Variants in PTPRR observed in about 807,000 individuals in gnomAD.
The protein encoded by PTPRR is protein tyrosine phosphatase receptor type R.
A neutral mutation model predicts 77.2 loss-of-function variants in PTPRR; 38 were observed. That is an observed-to-expected ratio of 0.49 (90% CI 0.38 to 0.65). The LOEUF is 0.65. Among genes scored for constraint, PTPRR ranks in the 30% least tolerant of loss-of-function variants. The pLI is 0.00. For synonymous variants in PTPRR, 299 were observed against 283.1 expected, an observed-to-expected ratio of 1.06 and a Z score of -0.57; for missense variants, 744 against 799.2, an observed-to-expected ratio of 0.93 and a Z score of 0.83.
intron 2 of PTPRR, among the ~76,000 whole-genome samples, chr12:70,864,144 GC>G (rs1892801286): frequency 6.6e-6 from 1 of 152,172 alleles, no homozygotes; most frequent in Non-Finnish European, 1.5e-5. Context: ...CCCAGTGACT[GC>G]ATTAGTTGTG....
At chr12:70,880,390 C>T (rs938861561) in intron 2 of PTPRR, among the ~76,000 whole-genome samples, 5 of 152,150 alleles carry the variant, frequency 3.3e-5, no homozygotes, top group Non-Finnish European at 7.4e-5. Flanking sequence ...TTCTACCACA[C>T]AGCTTCTAAT....
chr12:70,662,175 A>G (rs1264850076), intron 11 of PTPRR, among the ~76,000 whole-genome samples: 1 of 152,160 alleles, frequency 6.6e-6, no homozygotes, highest in Non-Finnish European at 1.5e-5. Context: ...AAAAAAAATC[A>G]TGGTAAAGTC....
chr12:70,788,903 CTAATCG>C lies in PTPRR; in HGVS notation c.358-24131_358-24126del, dbSNP rs1370786814. On this transcript the variant is annotated intron_variant, in intron 2 of 13. Coordinates refer to ENST00000283228, the MANE Select transcript of PTPRR (RefSeq NM_002849.4). Reference sequence around the variant, plus strand: ...TATTTCCTTACCATAGCAAGCAGGACTAATCGTAAAGCTTTCTAAGCTTGTGTGCTG... The same window carrying C: ...TATTTCCTTACCATAGCAAGCAGGACTAAAGCTTTCTAAGCTTGTGTGCTG... The C allele has an allele frequency of 7.0e-5, 104 of 1,482,356 alleles. No homozygotes were observed. The African/African-American group carries it at 1.3e-3, about 19-fold the overall frequency. The allele number at this position is 1,482,356 out of a possible 1,614,324, so 91.8% of individuals were successfully genotyped here.
chr12:70,843,558 G>A (rs1009235376), intron 2 of PTPRR, among the ~76,000 whole-genome samples: 9 of 152,204 alleles, frequency 5.9e-5, no homozygotes, highest in Admixed American at 2.0e-4. Flanking sequence ...AGAGCTTGCC[G>A]AGGCCTGCTG....
intron 2 of PTPRR, among the ~76,000 whole-genome samples, chr12:70,862,900 T>A (rs996548988): frequency 1.3e-5 from 2 of 152,152 alleles, no homozygotes. Flanking sequence ...AATCAACTTA[T>A]GTTTTATAAT....
chr12:70,907,824 G>A (rs1893644299), intron 1 of PTPRR, among the ~76,000 whole-genome samples: 2 of 152,132 alleles, frequency 1.3e-5, no homozygotes, highest in African/African-American at 4.8e-5. Context: ...GTTGACAGGA[G>A]TGAATGCTAC....
At chr12:70,889,800 T>C (rs1206480497) in intron 2 of PTPRR, among the ~76,000 whole-genome samples, 1 of 151,984 alleles carries the variant, frequency 6.6e-6, no homozygotes, top group Non-Finnish European at 1.5e-5. Flanking sequence ...TTTCTTCTCC[T>C]CCATCTTCTC....
intron 2 of PTPRR, among the ~76,000 whole-genome samples, chr12:70,781,057 G>A (rs893633135): frequency 6.6e-6 from 1 of 152,158 alleles, no homozygotes; most frequent in Non-Finnish European, 1.5e-5. Flanking sequence ...TATCACTTTC[G>A]TGATTTGAAG....
At chr12:70,897,533 A>G (rs894136770) in intron 1 of PTPRR, among the ~76,000 whole-genome samples, 13 of 151,936 alleles carry the variant, frequency 8.6e-5, no homozygotes, top group African/African-American at 2.4e-4. Context: ...GTGGAGAAAT[A>G]GGAACACTTT....
intron 2 of PTPRR, among the ~76,000 whole-genome samples, chr12:70,803,009 T>G (rs892072774): frequency 6.6e-6 from 1 of 152,220 alleles, no homozygotes; most frequent in African/African-American, 2.4e-5. Flanking sequence ...TTATATTACA[T>G]GCCCACATAG....
chr12:70,902,669 T>C (rs1469757355), intron 1 of PTPRR, among the ~76,000 whole-genome samples: 4 of 151,646 alleles, frequency 2.6e-5, no homozygotes, highest in African/African-American at 9.7e-5. Context: ...CTCACTGATA[T>C]GTGGGAGCTA....
intron 2 of PTPRR, among the ~76,000 whole-genome samples, chr12:70,866,337 T>C (rs1892848353): frequency 6.6e-6 from 1 of 152,036 alleles, no homozygotes. Context: ...CAATAAAAAA[T>C]GATAAAGGGG....
intron 1 of PTPRR, among the ~76,000 whole-genome samples, chr12:70,914,467 T>C (rs1274717567): frequency 6.6e-6 from 1 of 152,168 alleles, no homozygotes; most frequent in East Asian, 1.9e-4. Flanking sequence ...GGCAGTGACA[T>C]GATCATGGAG....
chr12:70,708,811 TACAAACACACACAC>T (rs1888712736), intron 6 of PTPRR, among the ~76,000 whole-genome samples: 2 of 143,170 alleles, frequency 1.4e-5, no homozygotes, highest in South Asian at 4.2e-4. Flanking sequence ...TAAATACAAA[TACAAACACACACAC>T]ACACACACAC....
intron 6 of PTPRR, among the ~76,000 whole-genome samples, chr12:70,726,661 A>C (rs574355812): frequency 6.6e-6 from 1 of 151,230 alleles, no homozygotes; most frequent in Non-Finnish European, 1.5e-5. Context: ...GCTCACTGCA[A>C]CCTCCACCTC....
At chr12:70,896,999 G>A (rs1175551143) in intron 1 of PTPRR, among the ~76,000 whole-genome samples, 1 of 151,880 alleles carries the variant, frequency 6.6e-6, no homozygotes, top group African/African-American at 2.4e-5. Flanking sequence ...GTACCATGCT[G>A]TTTTGGTTAC....
At chr12:70,892,306 A>G (rs535624338) in intron 2 of PTPRR, among the ~76,000 whole-genome samples, 5 of 152,072 alleles carry the variant, frequency 3.3e-5, no homozygotes, top group South Asian at 2.1e-4. Context: ...ATTTATTTAC[A>G]CAGGCTGAGA....
At chr12:70,671,957 C>G in intron 10 of PTPRR, 1 of 1,146,618 alleles carries the variant, frequency 8.7e-7, no homozygotes. Flanking sequence ...CACAGCTCTG[C>G]TGCAGGCTCA....
intron 2 of PTPRR, among the ~76,000 whole-genome samples, chr12:70,771,031 T>C (rs1368608803): frequency 1.3e-5 from 2 of 149,872 alleles, no homozygotes; most frequent in Admixed American, 6.6e-5. Flanking sequence ...GGAGGTATAG[T>C]TTTAGGAGAT....
Sources: gnomAD v4.1 joint callset for allele counts (sites outside exome capture counted in the v4.1 genomes callset) on GRCh38, gnomAD v4.1.1 for gene constraint, MANE v1.5 for transcripts, NCBI Gene and HGNC (gene_info 2026-07-23, HGNC 2026-07-21) for gene names.